MED20: variants seen among roughly 807,000 people sequenced by gnomAD.
MED20 encodes mediator of RNA polymerase II transcription subunit 20.
Under a neutral mutation model 19.7 loss-of-function variants are expected in MED20, and 19 were observed. The ratio of observed to expected loss-of-function variants is 0.96; its 90% CI spans 0.67 to 1.42. The LOEUF is 1.42. Ranked by LOEUF, MED20 falls within the 40% of genes most tolerant of loss-of-function variation. MED20 has a pLI of 0.00. For missense variants in MED20, 225 were observed against 273.0 expected, an observed-to-expected ratio of 0.82 and a Z score of 1.24; for synonymous variants, 105 against 104.8, an observed-to-expected ratio of 1.00 and a Z score of -0.01.
intron 2 of MED20, among the ~76,000 whole-genome samples, chr6:41,914,174 A>G (rs958924915): frequency 6.6e-6 from 1 of 152,208 alleles, no homozygotes; most frequent in Non-Finnish European, 1.5e-5. Context: ...CCCTAGGGCT[A>G]GAGGAAAAAG....
chr6:41,919,431 T>A (rs1775402347), intron 1 of MED20, among the ~76,000 whole-genome samples: 1 of 152,210 alleles, frequency 6.6e-6, no homozygotes, highest in Non-Finnish European at 1.5e-5. Context: ...AATGAATCTA[T>A]TAAGGTAGAG....
chr6:41,909,565 G>A (rs1011651499), intron 2 of MED20, 43 bp from the exon 3 acceptor site: 13 of 1,602,276 alleles, frequency 8.1e-6, no homozygotes, highest in Middle Eastern at 1.7e-4. Flanking sequence ...GACTTTCACT[G>A]GCAAACCCCA....
intron 2 of MED20, among the ~76,000 whole-genome samples, chr6:41,914,021 GAAGAGTCC>G (rs1775257065): frequency 6.6e-6 from 1 of 152,194 alleles, no homozygotes; most frequent in African/African-American, 2.4e-5. Context: ...ACTGTACTGG[GAAGAGTCC>G]AAAAAGAGCC....
At chr6:41,908,388 T>C (rs898173848) in intron 3 of MED20, among the ~76,000 whole-genome samples, 6 of 152,176 alleles carry the variant, frequency 3.9e-5, no homozygotes, top group African/African-American at 1.4e-4. Flanking sequence ...ACACTGCCAC[T>C]CTCACTCCTT....
chr6:41,914,292 A>G (rs1460763221), intron 2 of MED20, among the ~76,000 whole-genome samples: 1 of 152,226 alleles, frequency 6.6e-6, no homozygotes, highest in East Asian at 1.9e-4. Context: ...GAGCAGAGGG[A>G]GAGGAACACT....
intron 1 of MED20, among the ~76,000 whole-genome samples, chr6:41,918,609 C>G (rs946657243): frequency 2.0e-5 from 3 of 151,912 alleles, no homozygotes; most frequent in Non-Finnish European, 2.9e-5. Context: ...GTCAGGAGAT[C>G]AAGACCATCC....
chr6:41,910,132 AC>A (rs940970156), intron 2 of MED20, among the ~76,000 whole-genome samples: 25 of 152,140 alleles, frequency 1.6e-4, no homozygotes, highest in Admixed American at 3.9e-4. Context: ...CCAATGGCAA[AC>A]CGTTGGAGAA....
intron 1 of MED20, chr6:41,917,856 T>C (rs929297826): frequency 6.6e-6 from 3 of 455,888 alleles, no homozygotes; most frequent in Non-Finnish European, 1.4e-5. Context: ...CTGGGACTAG[T>C]GTATTGGACA....
chr6:41,918,241 C>T (rs529034866), intron 1 of MED20, among the ~76,000 whole-genome samples: 3 of 152,300 alleles, frequency 2.0e-5, no homozygotes, highest in Non-Finnish European at 2.9e-5. Context: ...TGGTGGCTCA[C>T]GCCTGTAATC....
chr6:41,908,187 A>G (rs1775104497), intron 3 of MED20, among the ~76,000 whole-genome samples: 1 of 152,240 alleles, frequency 6.6e-6, no homozygotes, highest in Non-Finnish European at 1.5e-5. Context: ...GAATTCCCAG[A>G]GCCAACTGCC....
In MED20 at chr6:41,906,874, G is replaced by C. The variant is rs1193567173; in HGVS notation, c.*198C>G. Reference sequence around the variant, plus strand: ...CAGTAAGGCACGGAGTAAAACAGCTGATGGGGGGCTATGTGTGAGAGTCAG... The same window carrying C: ...CAGTAAGGCACGGAGTAAAACAGCTCATGGGGGGCTATGTGTGAGAGTCAG... On this transcript the variant is annotated 3_prime_UTR_variant, in exon 4 of 4. Transcript: ENST00000265350. 1.7e-6 allele frequency: 1 copy of C among 585,408 alleles called. No homozygotes were observed. Among genetic ancestry groups the C allele is most frequent in the Non-Finnish European group, 3.0e-6 (1 of 328,806 alleles). The allele number at this position is 585,408 out of a possible 1,614,324, so 36.3% of individuals were successfully genotyped here. A position where few individuals can be genotyped will look rare whatever the true frequency, so the allele number is the denominator to read the frequency against.
At chr6:41,909,009 C>T (rs1314479029) in intron 3 of MED20, 1 of 512,164 alleles carries the variant, frequency 2.0e-6, no homozygotes, top group Admixed American at 3.5e-5. Context: ...ATAGTAAGAC[C>T]TCATTTCTAC....
rs1455517634 is a variant in MED20 at position 41,909,433 on chromosome 6, C to T, written c.259G>A (p.Ala87Thr). The part of the protein sequence containing the change: ...ALFENGPCLI[A>T]DTNFDVLMVK... ...ATAAGCACATCAAAGTTGGTGTCAG[C>T]AATAAGGCAAGGGCCATTCTCAAAG... is the stretch of plus-strand genomic sequence containing the variant. Residue 87 changes from alanine to threonine, a missense_variant, in exon 3 of 4, where the codon GCT (alanine) becomes ACT (threonine). By Grantham distance (58) the Ala-to-Thr change is moderately conservative. Transcript: ENST00000265350. 1 of 1,614,192 alleles carries T rather than the reference C, an allele frequency of 6.2e-7. No individual in the cohort carries two copies. Among genetic ancestry groups the T allele is most frequent in the East Asian group, 2.2e-5 (1 of 44,884 alleles).
In MED20 at chr6:41,907,168, A is replaced by G; in HGVS notation, c.543T>C (p.Asp181=). The change falls in exon 4 of 4, where the codon GAT becomes GAC. Residue 181 remains aspartate (D), a synonymous_variant. Coordinates refer to ENST00000265350, the MANE Select transcript of MED20 (RefSeq NM_004275.5). Reference sequence around the variant, plus strand: ...TGGTATCTGCTGGGCCGTAGACCGCATCATGTCTGTTCCCAAACACTGCGG... The same window carrying G: ...TGGTATCTGCTGGGCCGTAGACCGCGTCATGTCTGTTCCCAAACACTGCGG... The part of the protein sequence containing the change: ...GAPAVFGNRH[D]AVYGPADTMV... 6.2e-7 allele frequency: 1 copy of G among 1,614,074 alleles called. No individual in the cohort carries two copies.
intron 2 of MED20, among the ~76,000 whole-genome samples, chr6:41,915,039 C>G (rs913967728): frequency 1.3e-5 from 2 of 152,230 alleles, no homozygotes; most frequent in Non-Finnish European, 2.9e-5. Flanking sequence ...GCCAGGAAAT[C>G]TGGAACTCTA....
At chr6:41,908,848 C>G (rs765748457) in intron 3 of MED20, 11 of 199,544 alleles carry the variant, frequency 5.5e-5, no homozygotes, top group Middle Eastern at 3.9e-3. Flanking sequence ...GCATAGATGC[C>G]TTGGAGTCAG....
At chr6:41,917,445 TG>T (rs1402998626) in intron 1 of MED20, 1 of 195,608 alleles carries the variant, frequency 5.1e-6, no homozygotes, top group Non-Finnish European at 1.1e-5. Flanking sequence ...GTAGTTAGAG[TG>T]GGGAAGAGTA....
At chr6:41,915,561 G>A (rs535725206) in intron 2 of MED20, among the ~76,000 whole-genome samples, 5 of 152,192 alleles carry the variant, frequency 3.3e-5, no homozygotes, top group Non-Finnish European at 7.3e-5. Flanking sequence ...GCCGAGGCGG[G>A]TGGATCACAA....
chr6:41,911,154 CTT>C (rs544752819), intron 2 of MED20, among the ~76,000 whole-genome samples: 8 of 140,410 alleles, frequency 5.7e-5, no homozygotes, highest in Admixed American at 1.4e-4. Context: ...AGGCTAAAAA[CTT>C]TTTTTTTTTT....
Sources: gnomAD v4.1 joint callset for allele counts (sites outside exome capture counted in the v4.1 genomes callset) on GRCh38, gnomAD v4.1.1 for gene constraint, MANE v1.5 for transcripts, NCBI Gene and HGNC (gene_info 2026-07-23, HGNC 2026-07-21) for gene names.